Variants in RBFOX1 observed in about 807,000 individuals in gnomAD.
The protein encoded by RBFOX1 is RNA binding protein fox-1 homolog 1.
RBFOX1 carries 8 observed loss-of-function variants against 57.7 expected under a neutral mutation model. That is an observed-to-expected ratio of 0.14 (90% CI 0.08 to 0.25). The LOEUF is 0.25. RBFOX1 is among the 10% of genes least tolerant of loss of function. RBFOX1 has a pLI of 1.00. For missense variants in RBFOX1, 611 were observed against 548.5 expected, an observed-to-expected ratio of 1.11 and a Z score of -1.14; for synonymous variants, 326 against 222.4, an observed-to-expected ratio of 1.47 and a Z score of -4.15.
chr16:5,893,728 C>G (rs898162539), intron 4 of RBFOX1, among the ~76,000 whole-genome samples: 1 of 151,958 alleles, frequency 6.6e-6, no homozygotes, highest in Non-Finnish European at 1.5e-5. Flanking sequence ...ATTGCTTGAA[C>G]CCAGGAAGCA....
At chr16:7,584,623 C>G (rs1167086458) in intron 6 of RBFOX1, among the ~76,000 whole-genome samples, 1 of 152,154 alleles carries the variant, frequency 6.6e-6, no homozygotes, top group East Asian at 1.9e-4. Flanking sequence ...TATTGAGAAA[C>G]TTTGTGTGGA....
At chr16:6,345,313 T>C (rs1056848576) in intron 2 of RBFOX1, among the ~76,000 whole-genome samples, 1 of 152,212 alleles carries the variant, frequency 6.6e-6, no homozygotes, top group African/African-American at 2.4e-5. Context: ...GCTCCCCCTA[T>C]AGGCAGTGTG....
intron 4 of RBFOX1, among the ~76,000 whole-genome samples, chr16:7,185,068 A>C (rs769326262): frequency 6.6e-6 from 1 of 152,210 alleles, no homozygotes; most frequent in East Asian, 1.9e-4. Context: ...CAGTAAGTAC[A>C]TGGAGGAATG....
At chr16:5,754,081 A>G (rs935059522) in intron 3 of RBFOX1, among the ~76,000 whole-genome samples, 32 of 152,174 alleles carry the variant, frequency 2.1e-4, no homozygotes, top group Admixed American at 2.0e-4. Flanking sequence ...CCTGCATGAC[A>G]CTTTGTGGGA....
intron 5 of RBFOX1, among the ~76,000 whole-genome samples, chr16:7,553,620 G>A (rs920204671): frequency 2.6e-5 from 4 of 152,320 alleles, no homozygotes; most frequent in Admixed American, 2.0e-4. Context: ...CAAGTGGCCA[G>A]TGCACTTGAA....
chr16:7,074,394 G>T (rs2057926228), intron 4 of RBFOX1, among the ~76,000 whole-genome samples: 1 of 152,058 alleles, frequency 6.6e-6, no homozygotes, highest in Non-Finnish European at 1.5e-5. Flanking sequence ...TTAAAATAAT[G>T]GCAAAAGCTG....
chr16:5,825,875 T>G (rs2056026408), intron 3 of RBFOX1, among the ~76,000 whole-genome samples: 1 of 116,350 alleles, frequency 8.6e-6, no homozygotes, highest in Non-Finnish European at 1.8e-5. Flanking sequence ...GGAATAATAT[T>G]CCGTAATATG....
At chr16:5,966,429 G>A (rs1027810202) in intron 4 of RBFOX1, among the ~76,000 whole-genome samples, 4 of 152,150 alleles carry the variant, frequency 2.6e-5, no homozygotes, top group African/African-American at 9.7e-5. Context: ...GAGCAAGTGT[G>A]AGGTGAGGAG....
intron 3 of RBFOX1, among the ~76,000 whole-genome samples, chr16:5,829,250 C>T (rs1021756732): frequency 3.9e-5 from 6 of 152,174 alleles, no homozygotes; most frequent in East Asian, 1.9e-4. Context: ...CTGAAGGCCG[C>T]AGCCAGTCAC....
intron 4 of RBFOX1, among the ~76,000 whole-genome samples, chr16:7,361,567 C>G (rs910902093): frequency 6.6e-6 from 1 of 152,160 alleles, no homozygotes; most frequent in Non-Finnish European, 1.5e-5. Context: ...AGGATATTTC[C>G]TTTGTAGCTG....
rs568944353 is a variant in RBFOX1 at position 7,168,425 on chromosome 16, A to C, written c.27+116327A>C. ...ACCTCAACAGCCACATTGTCCACCA[A>C]TTCTCATTGCATGTGAATTCGTGAA... is the stretch of plus-strand genomic sequence containing the variant. On this transcript the variant is annotated intron_variant, in intron 4 of 15. Transcript: ENST00000550418. 2.0e-5 allele frequency among the ~76,000 whole-genome samples: 3 copies of C among 152,138 alleles called. No individual in the cohort carries two copies. The South Asian group carries it at 6.2e-4, about 32-fold the overall frequency.
intron 3 of RBFOX1, among the ~76,000 whole-genome samples, chr16:6,770,802 A>T (rs1039278073): frequency 6.6e-6 from 1 of 152,124 alleles, no homozygotes; most frequent in African/African-American, 2.4e-5. Flanking sequence ...TCTTTATATG[A>T]CAGGGAGGAA....
chr16:6,124,424 G>A (rs775967316), intron 1 of RBFOX1, among the ~76,000 whole-genome samples: 2 of 152,138 alleles, frequency 1.3e-5, no homozygotes, highest in Non-Finnish European at 2.9e-5. Flanking sequence ...AGCCTAAGAT[G>A]ACCCCTAGGG....
chr16:6,760,512 G>A (rs189278600), intron 3 of RBFOX1, among the ~76,000 whole-genome samples: 103 of 152,280 alleles, frequency 6.8e-4, no homozygotes, highest in African/African-American at 2.4e-3. Context: ...CGGACTGAGT[G>A]GTATGTGAAA....
In RBFOX1 at chr16:6,019,265, C is replaced by G. The variant is rs921137928; in HGVS notation, c.-854C>G. On this transcript the variant is annotated 5_prime_UTR_variant, in exon 1 of 16. Transcript: ENST00000550418. This position sits in a 1 kb window ranked among gnomAD's most constrained non-coding sequence, Gnocchi z 4.2. The stretch of plus-strand genomic sequence containing the variant: ...CCGCTCCCTCGATCACCCCAGCCCC[C>G]TTCCTGGTCTCCCGAGCGCGGGGTT... The G allele has an allele frequency of 1.0e-6, 1 of 985,320 alleles. No homozygotes were observed. Among genetic ancestry groups the G allele is most frequent in the Non-Finnish European group, 1.2e-6 (1 of 830,076 alleles). The allele number at this position is 985,320 out of a possible 1,614,324, so 61.0% of individuals were successfully genotyped here.
At chr16:6,612,056 C>T (rs1379319390) in intron 2 of RBFOX1, among the ~76,000 whole-genome samples, 1 of 152,136 alleles carries the variant, frequency 6.6e-6, no homozygotes, top group African/African-American at 2.4e-5. Context: ...CTGTTTCTTG[C>T]ATTATTCTAA....
rs146248367 is a variant in RBFOX1, at chr16:6,854,890, A to T, written c.-15-197167A>T. Among the ~76,000 whole-genome samples the T allele has an allele frequency of 5.9e-3, 897 of 151,906 alleles. 9 individuals carry two copies. Among genetic ancestry groups the T allele is most frequent in the African/African-American group, 0.021 (859 of 41,432 alleles). On this transcript the variant is annotated intron_variant, in intron 3 of 15. Coordinates refer to ENST00000550418, the MANE Select transcript of RBFOX1 (RefSeq NM_018723.4). ...ATTACAGGCGTGAGCCACCGCGCCC[A>T]GCCGAGGTGAATAATTTTTTTATTC...
chr16:5,496,726 G>C (rs1054006086), intron 2 of RBFOX1, among the ~76,000 whole-genome samples: 2 of 152,138 alleles, frequency 1.3e-5, no homozygotes, highest in Admixed American at 1.3e-4. Context: ...TTTCCAGAGA[G>C]CTTGGCTTTT....
chr16:7,653,067 A>G (rs2065428109), intron 11 of RBFOX1, among the ~76,000 whole-genome samples: 1 of 147,398 alleles, frequency 6.8e-6, no homozygotes, highest in African/African-American at 2.7e-5. Context: ...ACATATATGT[A>G]TATATACATG....
Sources: allele counts gnomAD v4.1 joint callset (sites outside exome capture counted in the v4.1 genomes callset), GRCh38; gene constraint gnomAD v4.1.1; non-coding constraint Gnocchi (gnomAD v3.1); transcripts MANE v1.5; gene names NCBI Gene and HGNC (gene_info 2026-07-23, HGNC 2026-07-21).